GRM5: variants seen among roughly 807,000 people sequenced by gnomAD.
GRM5 encodes the protein metabotropic glutamate receptor 5.
In GRM5, 19 loss-of-function variants were observed where a neutral mutation model predicts 83.1. That is an observed-to-expected ratio of 0.23 (90% CI 0.16 to 0.34). The LOEUF (loss-of-function observed/expected upper bound fraction) is 0.34, where lower values mean the gene tolerates loss of function less well. Among genes scored for constraint, GRM5 ranks in the 10% least tolerant of loss-of-function variants. The pLI, the probability that GRM5 is intolerant of heterozygous loss-of-function variation, is 1.00. For synonymous variants in GRM5, 675 were observed against 633.6 expected, an observed-to-expected ratio of 1.07 and a Z score of -0.98; for missense variants, 1,160 against 1,588.3, an observed-to-expected ratio of 0.73 and a Z score of 4.58.
At chr11:88,679,667 A>G (rs1050548244) in intron 3 of GRM5, among the ~76,000 whole-genome samples, 1 of 152,124 alleles carries the variant, frequency 6.6e-6, no homozygotes, top group Non-Finnish European at 1.5e-5. Flanking sequence ...AGTCCCTTTA[A>G]TTTAGAAGCT....
At chr11:89,060,199 C>G (rs903451373) in intron 1 of GRM5, among the ~76,000 whole-genome samples, 1 of 151,834 alleles carries the variant, frequency 6.6e-6, no homozygotes, top group Admixed American at 6.6e-5. Flanking sequence ...CAAATCAAAT[C>G]TCTCTCTTTT....
intron 3 of GRM5, among the ~76,000 whole-genome samples, chr11:88,752,208 A>T (rs938141122): frequency 6.6e-6 from 1 of 152,114 alleles, no homozygotes; most frequent in Non-Finnish European, 1.5e-5. Flanking sequence ...ACAACCCCAT[A>T]GTCTCAGCAC....
chr11:88,920,415 AAAAAAAAAAAAAACC>A (rs200125115), intron 2 of GRM5, among the ~76,000 whole-genome samples: 114,657 of 129,992 alleles, frequency 0.88, 50,196 homozygotes, highest in South Asian at 0.95. Context: ...CTCCCAGCCA[AAAAAAAAAAAAAACC>A]AAAAAAAAAA....
intron 3 of GRM5, among the ~76,000 whole-genome samples, chr11:88,718,582 T>C (rs1171446372): frequency 1.3e-5 from 2 of 151,930 alleles, no homozygotes; most frequent in Non-Finnish European, 2.9e-5. Context: ...TACAGAAAAG[T>C]TGAGATATTA....
chr11:88,867,118 A>G (rs1421027375), intron 2 of GRM5, among the ~76,000 whole-genome samples: 1 of 151,594 alleles, frequency 6.6e-6, no homozygotes, highest in African/African-American at 2.4e-5. Context: ...GCCTTGTCGT[A>G]TAGCTTAAAG....
intron 4 of GRM5, among the ~76,000 whole-genome samples, chr11:88,650,978 T>C (rs1486239679): frequency 6.6e-6 from 1 of 151,996 alleles, no homozygotes; most frequent in East Asian, 1.9e-4. Flanking sequence ...TCCATGCCAA[T>C]GTACCAAATG....
At chr11:88,670,253 G>A (rs891024459) in intron 3 of GRM5, among the ~76,000 whole-genome samples, 1 of 151,946 alleles carries the variant, frequency 6.6e-6, no homozygotes, top group Admixed American at 6.6e-5. Context: ...ATTCAAGATA[G>A]ATTGTAGACC....
At chr11:88,739,734 C>CTACT (rs1378247984) in intron 3 of GRM5, among the ~76,000 whole-genome samples, 2 of 152,060 alleles carry the variant, frequency 1.3e-5, no homozygotes, top group Non-Finnish European at 2.9e-5. Context: ...GTACTTGCTT[C>CTACT]TACTTACATC....
chr11:88,592,093 G>A (rs997502811), intron 6 of GRM5, among the ~76,000 whole-genome samples: 9 of 152,168 alleles, frequency 5.9e-5, no homozygotes, highest in East Asian at 3.9e-4. Context: ...GATAGACTGC[G>A]TGATATTTTG....
At chr11:88,764,037 G>T (rs1383388462) in intron 3 of GRM5, among the ~76,000 whole-genome samples, 1 of 151,588 alleles carries the variant, frequency 6.6e-6, no homozygotes, top group Admixed American at 6.6e-5. Flanking sequence ...GATACGCCAT[G>T]CAAATACAAA....
At chr11:88,683,075 C>T (rs1049341294) in intron 3 of GRM5, among the ~76,000 whole-genome samples, 2 of 152,108 alleles carry the variant, frequency 1.3e-5, no homozygotes, top group African/African-American at 4.8e-5. Flanking sequence ...CAGCTTATAT[C>T]AGTATTATGT....
At chr11:88,679,318 A>G (rs1036447781) in intron 3 of GRM5, among the ~76,000 whole-genome samples, 5 of 151,660 alleles carry the variant, frequency 3.3e-5, no homozygotes, top group Admixed American at 6.7e-5. Flanking sequence ...TTAAACAACC[A>G]TTAAGAAAAA....
chr11:88,845,530 T>C (rs1254931076), intron 3 of GRM5, among the ~76,000 whole-genome samples: 2 of 146,060 alleles, frequency 1.4e-5, no homozygotes, highest in Non-Finnish European at 3.0e-5. Context: ...GCCTCCCGGG[T>C]TTGCGCCATT....
intron 3 of GRM5, among the ~76,000 whole-genome samples, chr11:88,804,028 A>AGGAAACAACAGGTGCT: frequency 6.6e-6 from 1 of 151,806 alleles, no homozygotes; most frequent in Non-Finnish European, 1.5e-5. Context: ...TTAAAAAGTC[A>AGGAAACAACAGGTGCT]GGAAACAACA....
rs887685605 is a variant in GRM5, at chr11:88,515,056, T to G, written c.2727-5552A>C. Among the ~76,000 whole-genome samples the G allele has an allele frequency of 2.6e-5, 4 of 152,062 alleles. No individual in the cohort carries two copies. In the East Asian group the frequency reaches 7.7e-4, roughly 29 times the overall value. ...CACTCGATCCTCTCTTAACTAGTCT[T>G]TGGTTTAACAGCAACAGGAAGCCTT... is the stretch of plus-strand genomic sequence containing the variant. On this transcript the variant is annotated intron_variant, in intron 9 of 9. Transcript: ENST00000305447.
intron 8 of GRM5, among the ~76,000 whole-genome samples, chr11:88,557,801 A>G (rs1201522236): frequency 6.7e-6 from 1 of 149,878 alleles, no homozygotes; most frequent in Non-Finnish European, 1.5e-5. Flanking sequence ...TGTGCAGAAC[A>G]TGTAGGTTTG....
At chr11:88,757,584 A>G (rs1942421566) in intron 3 of GRM5, among the ~76,000 whole-genome samples, 1 of 151,872 alleles carries the variant, frequency 6.6e-6, no homozygotes, top group African/African-American at 2.4e-5. Flanking sequence ...ACCCCCATCA[A>G]TGTCCCACCC....
At chr11:89,054,275 C>T (rs780615194) in intron 1 of GRM5, among the ~76,000 whole-genome samples, 3 of 151,960 alleles carry the variant, frequency 2.0e-5, no homozygotes, top group African/African-American at 4.8e-5. Flanking sequence ...TTAGAGCTGA[C>T]GTAGGATGTT....
Position 89,040,679 on chromosome 11 carries a change from C to A in GRM5, c.661+6533G>T, listed in dbSNP as rs186353427. On this transcript the variant is annotated intron_variant, in intron 2 of 9. Transcript: ENST00000305447. ...CCATGCCACTCTTCTTCAGCCTGGG[C>A]AATAGAGAGAGACCCTGTCTCAAAG... is the stretch of plus-strand genomic sequence containing the variant. Among the ~76,000 whole-genome samples, 13 of 151,276 alleles carry A rather than the reference C, an allele frequency of 8.6e-5. 1 individual carries two copies. In the East Asian group the frequency reaches 2.5e-3, roughly 29 times the overall value.
Sources: gnomAD v4.1 joint callset for allele counts (sites outside exome capture counted in the v4.1 genomes callset) on GRCh38, gnomAD v4.1.1 for gene constraint, MANE v1.5 for transcripts, NCBI Gene and HGNC (gene_info 2026-07-23, HGNC 2026-07-21) for gene names.